MAP2: variants seen among roughly 807,000 people sequenced by gnomAD.
MAP2 encodes the protein microtubule associated protein 2.
Under a neutral mutation model 137.6 loss-of-function variants are expected in MAP2, and 14 were observed. The observed-to-expected ratio is 0.10, with a 90% CI of 0.07 to 0.16. MAP2 has a LOEUF of 0.16. MAP2 is among the 10% of genes least tolerant of loss of function. The pLI is 1.00. For synonymous variants in MAP2, 786 were observed against 782.3 expected (o/e 1.00, Z -0.08); for missense variants, 2,088 against 2,191.5 (o/e 0.95, Z 0.94).
chr2:209,622,677 A>G (rs758405548), intron 3 of MAP2, among the ~76,000 whole-genome samples: 2 of 147,030 alleles, frequency 1.4e-5, no homozygotes, highest in Non-Finnish European at 3.0e-5. Context: ...AATGCTATTT[A>G]TATGGGTACA....
At chr2:209,447,184 C>T (rs1286348461) in intron 1 of MAP2, among the ~76,000 whole-genome samples, 5 of 151,920 alleles carry the variant, frequency 3.3e-5, no homozygotes. Context: ...ACTAAAACAT[C>T]CTTTTTGTTC....
chr2:209,500,446 C>T (rs1465697080), intron 1 of MAP2, among the ~76,000 whole-genome samples: 1 of 152,120 alleles, frequency 6.6e-6, no homozygotes, highest in Non-Finnish European at 1.5e-5. Flanking sequence ...CCTTCCCACT[C>T]CATCTCCACC....
At chr2:209,606,670 CTTTTG>C (rs2084882212) in intron 3 of MAP2, among the ~76,000 whole-genome samples, 1 of 152,106 alleles carries the variant, frequency 6.6e-6, no homozygotes, top group South Asian at 2.1e-4. Context: ...CCAATCCATT[CTTTTG>C]TTTTGATGAC....
At chr2:209,724,322 A>G (rs770664509) in intron 13 of MAP2, among the ~76,000 whole-genome samples, 1 of 152,116 alleles carries the variant, frequency 6.6e-6, no homozygotes, top group Non-Finnish European at 1.5e-5. Flanking sequence ...AGATGATTCC[A>G]TGTTTTTTAA....
chr2:209,599,907 TGAA>T (rs2082482590), intron 3 of MAP2, among the ~76,000 whole-genome samples: 1 of 152,194 alleles, frequency 6.6e-6, no homozygotes, highest in African/African-American at 2.4e-5. Flanking sequence ...AGGGGGTTAA[TGAA>T]GATAATTTAC....
intron 1 of MAP2, among the ~76,000 whole-genome samples, chr2:209,426,391 A>C (rs2149232917): frequency 6.6e-6 from 1 of 152,190 alleles, no homozygotes; most frequent in South Asian, 2.1e-4. Flanking sequence ...TAATCAAATA[A>C]CCTGTTTCTT....
At chr2:209,705,783 G>A in intron 12 of MAP2, 56 bp downstream of exon 12, 1 of 1,312,826 alleles carries the variant, frequency 7.6e-7, no homozygotes, top group East Asian at 2.4e-5. Flanking sequence ...CCTTTAAGTG[G>A]AATAGCACTT....
chr2:209,726,380 T>C (rs534927759), intron 14 of MAP2, among the ~76,000 whole-genome samples: 59 of 152,350 alleles, frequency 3.9e-4, no homozygotes, highest in African/African-American at 1.3e-3. Flanking sequence ...TCATAGTTAC[T>C]GGGAGATTTT....
At chr2:209,652,524 C>G (rs1185803659) in intron 4 of MAP2, among the ~76,000 whole-genome samples, 1 of 152,092 alleles carries the variant, frequency 6.6e-6, no homozygotes, top group African/African-American at 2.4e-5. Flanking sequence ...GCACAACGTG[C>G]AGGTTTGTTA....
At chr2:209,652,171 C>G (rs532577792) in intron 4 of MAP2, among the ~76,000 whole-genome samples, 2 of 152,260 alleles carry the variant, frequency 1.3e-5, no homozygotes, top group East Asian at 3.9e-4. Flanking sequence ...GTAATATCAG[C>G]TTGTAAGAGA....
chr2:209,524,851 A>G (rs183208829), intron 2 of MAP2, among the ~76,000 whole-genome samples: 1 of 152,014 alleles, frequency 6.6e-6, no homozygotes, highest in East Asian at 1.9e-4. Context: ...TTTTTTTTCA[A>G]TTCATTACCT....
chr2:209,714,059 G>T (rs1055703381), intron 13 of MAP2, among the ~76,000 whole-genome samples: 7 of 151,990 alleles, frequency 4.6e-5, no homozygotes, highest in African/African-American at 1.7e-4. Flanking sequence ...AAAATAGCCA[G>T]GCGTGGTGGT....
At position 209,693,160 on chromosome 2, in the gene MAP2, G is replaced by A. The variant is rs778020793; in HGVS notation, c.990G>A (p.Lys330=). 25 of 1,610,342 alleles carry A rather than the reference G, an allele frequency of 1.6e-5. No individual in the cohort carries two copies. Among genetic ancestry groups the A allele is most frequent in the Middle Eastern group, 3.3e-4 (2 of 6,010 alleles). ...GSFTLPLDVM[K]NEIVTETSPF... ...TCACTCTTCCTTTAGATGTCATGAA[G>A]AATGAAATAGTTACAGAAACATCGC... Residue 330 remains lysine (K), a synonymous_variant, in exon 8 of 16, where the codon AAG becomes AAA. Coordinates refer to ENST00000682079, the MANE Select transcript of MAP2 (RefSeq NM_001375505.1).
chr2:209,449,191 A>G (rs547787798), intron 1 of MAP2, among the ~76,000 whole-genome samples: 65 of 152,320 alleles, frequency 4.3e-4, no homozygotes, highest in African/African-American at 1.5e-3. Flanking sequence ...CCACAGTCTT[A>G]TTTAGCACTG....
intron 3 of MAP2, among the ~76,000 whole-genome samples, chr2:209,618,820 T>A (rs1183833739): frequency 6.7e-6 from 1 of 149,302 alleles, no homozygotes; most frequent in Non-Finnish European, 1.5e-5. Flanking sequence ...GTCAAAGAGA[T>A]ATCTACACTC....
intron 4 of MAP2, among the ~76,000 whole-genome samples, chr2:209,629,143 G>A (rs544691805): frequency 6.6e-6 from 1 of 152,314 alleles, no homozygotes; most frequent in African/African-American, 2.4e-5. Context: ...TAATTAGCTG[G>A]ATGAGAAAGC....
chr2:209,441,934 CAG>C (rs1296154268), intron 1 of MAP2, among the ~76,000 whole-genome samples: 1 of 151,482 alleles, frequency 6.6e-6, no homozygotes, highest in African/African-American at 2.4e-5. Flanking sequence ...TGAATCAAAA[CAG>C]AGGTCTTTTA....
chr2:209,504,716 A>G (rs1314488439), intron 1 of MAP2, among the ~76,000 whole-genome samples: 1 of 152,172 alleles, frequency 6.6e-6, no homozygotes, highest in Non-Finnish European at 1.5e-5. Context: ...GCTTTCTGGC[A>G]TTAAGTACAT....
chr2:209,521,572 T>A (rs574328839), intron 2 of MAP2, among the ~76,000 whole-genome samples: 33 of 151,768 alleles, frequency 2.2e-4, no homozygotes, highest in East Asian at 1.6e-3. Context: ...AAAAAAAAAA[T>A]TTTTTAGGTT....
Sources: allele counts gnomAD v4.1 joint callset (sites outside exome capture counted in the v4.1 genomes callset), GRCh38; gene constraint gnomAD v4.1.1; transcripts MANE v1.5; gene names NCBI Gene and HGNC (gene_info 2026-07-23, HGNC 2026-07-21).